Variants in LINGO2 observed in about 807,000 individuals in gnomAD.
LINGO2 encodes the protein leucine rich repeat and Ig domain containing 2.
Under a neutral mutation model 30.6 loss-of-function variants are expected in LINGO2, and 14 were observed. The ratio of observed to expected loss-of-function variants is 0.46; its 90% confidence interval spans 0.30 to 0.72. The LOEUF (loss-of-function observed/expected upper bound fraction) is 0.72, where lower values mean the gene tolerates loss of function less well. Among genes scored for constraint, LINGO2 ranks in the 30% least tolerant of loss-of-function variants. LINGO2 has a pLI of 0.07. For missense variants in LINGO2, 729 were observed against 751.7 expected (o/e 0.97, Z 0.35); for synonymous variants, 317 against 288.5 (o/e 1.10, Z -1.00).
At chr9:28,983,505 C>T in the LINGO2 span, among the ~76,000 whole-genome samples, 2 of 151,610 alleles carry the variant, frequency 1.3e-5, no homozygotes, top group Non-Finnish European at 1.5e-5. Flanking sequence ...AAATGGAAGG[C>T]TACAGGGCTA....
intron 4 of LINGO2, among the ~76,000 whole-genome samples, chr9:28,285,867 A>G (rs1429392532): frequency 6.6e-6 from 1 of 152,118 alleles, no homozygotes; most frequent in African/African-American, 2.4e-5. Flanking sequence ...AATAAATTCT[A>G]CCCAGTAGTA....
At chr9:29,102,628 G>C in the LINGO2 span, among the ~76,000 whole-genome samples, 892 of 152,202 alleles carry the variant, frequency 5.9e-3, 8 homozygotes, top group African/African-American at 0.021. Flanking sequence ...CTGAAGGAAG[G>C]CATTTTGTGC....
intron 4 of LINGO2, among the ~76,000 whole-genome samples, chr9:28,229,348 A>G (rs1587275998): frequency 1.3e-5 from 2 of 151,816 alleles, no homozygotes; most frequent in African/African-American, 4.8e-5. Context: ...TGATATAGAC[A>G]ATTAATAAAA....
At chr9:28,378,491 T>C (rs926977808) in intron 2 of LINGO2, among the ~76,000 whole-genome samples, 4 of 152,124 alleles carry the variant, frequency 2.6e-5, no homozygotes, top group South Asian at 4.1e-4. Flanking sequence ...TGGGGGACTT[T>C]CCATGAAGAG....
At chr9:28,948,517 G>A in the LINGO2 span, among the ~76,000 whole-genome samples, 16 of 151,826 alleles carry the variant, frequency 1.1e-4, no homozygotes, top group African/African-American at 9.7e-5. Flanking sequence ...TCTGACTCTC[G>A]CTCTCACACA....
chr9:28,848,395 G>GTGTATA, the LINGO2 span, among the ~76,000 whole-genome samples: 16 of 38,798 alleles, frequency 4.1e-4, no homozygotes, highest in Non-Finnish European at 1.0e-3. Flanking sequence ...GTGTGTGTGT[G>GTGTATA]TGTATATATA....
At chr9:28,797,048 T>C in the LINGO2 span, among the ~76,000 whole-genome samples, 3 of 151,360 alleles carry the variant, frequency 2.0e-5, no homozygotes, top group Non-Finnish European at 2.9e-5. Flanking sequence ...TTGCAGAAAA[T>C]AATTGAGTGG....
chr9:28,161,659 C>A (rs1564010303), intron 4 of LINGO2, among the ~76,000 whole-genome samples: 1 of 151,752 alleles, frequency 6.6e-6, no homozygotes, highest in East Asian at 1.9e-4. Context: ...TAAAGGAAAC[C>A]AGCTAGCATG....
chr9:28,522,473 T>C (rs1364468843), intron 1 of LINGO2, among the ~76,000 whole-genome samples: 1 of 152,136 alleles, frequency 6.6e-6, no homozygotes, highest in African/African-American at 2.4e-5. Context: ...GCAAATAAAG[T>C]ATGATTGTAT....
At chr9:28,803,560 T>C in the LINGO2 span, among the ~76,000 whole-genome samples, 1 of 151,910 alleles carries the variant, frequency 6.6e-6, no homozygotes, top group Non-Finnish European at 1.5e-5. Context: ...AAGCATACTA[T>C]CAACTCATAC....
intron 1 of LINGO2, among the ~76,000 whole-genome samples, chr9:28,576,186 A>G (rs1485780434): frequency 1.3e-5 from 2 of 152,250 alleles, no homozygotes; most frequent in Non-Finnish European, 2.9e-5. Context: ...ACGCTCATAG[A>G]GTCTCAATTA....
At chr9:28,253,867 C>A (rs1234851607) in intron 4 of LINGO2, among the ~76,000 whole-genome samples, 1 of 152,146 alleles carries the variant, frequency 6.6e-6, no homozygotes, top group Non-Finnish European at 1.5e-5. Flanking sequence ...GAAAAATGTG[C>A]ACGGGTGGAG....
the LINGO2 span, among the ~76,000 whole-genome samples, chr9:28,733,391 A>G: frequency 6.6e-6 from 1 of 152,156 alleles, no homozygotes; most frequent in Admixed American, 6.5e-5. Flanking sequence ...GGAAGGTTTT[A>G]TCATATACTG....
chr9:29,182,752 G>A, the LINGO2 span, among the ~76,000 whole-genome samples: 1 of 150,766 alleles, frequency 6.6e-6, no homozygotes, highest in African/African-American at 2.4e-5. Context: ...CTCGCTCATC[G>A]ATAGCTATGA....
chr9:28,995,024 C>A, the LINGO2 span, among the ~76,000 whole-genome samples: 2 of 151,800 alleles, frequency 1.3e-5, no homozygotes, highest in Admixed American at 6.6e-5. Context: ...CAAATGGGAT[C>A]TAATTAAACT....
At position 27,975,889 on chromosome 9, in the gene LINGO2, C is replaced by T. The variant is rs1250932324; in HGVS notation, c.-35-25183G>A. On this transcript the variant is annotated intron_variant, in intron 5 of 5. Transcript: ENST00000379992. Reference sequence around the variant, plus strand: ...ATTTGTCTTTTGTGTTACATTTTCACATTTGATAGTTGCATAGTAAAGAAA... The same window carrying T: ...ATTTGTCTTTTGTGTTACATTTTCATATTTGATAGTTGCATAGTAAAGAAA... Among the ~76,000 whole-genome samples the T allele has an allele frequency of 2.0e-5, 3 of 151,964 alleles. 1 individual carries two copies. The highest frequency in any genetic ancestry group is 7.3e-5 in the African/African-American group (3 of 41,378).
At chr9:28,277,652 A>G (rs1262357015) in intron 4 of LINGO2, among the ~76,000 whole-genome samples, 1 of 151,884 alleles carries the variant, frequency 6.6e-6, no homozygotes, top group Non-Finnish European at 1.5e-5. Flanking sequence ...AAAAACACAC[A>G]CAAAAAATTA....
chr9:28,146,036 TATC>T (rs1390473177), intron 4 of LINGO2, among the ~76,000 whole-genome samples: 1 of 152,236 alleles, frequency 6.6e-6, no homozygotes, highest in Non-Finnish European at 1.5e-5. Flanking sequence ...TCAAAAATGA[TATC>T]ATAAAGTTCT....
At chr9:28,566,137 G>A (rs931739868) in intron 1 of LINGO2, among the ~76,000 whole-genome samples, 23 of 152,062 alleles carry the variant, frequency 1.5e-4, no homozygotes, top group African/African-American at 5.6e-4. Context: ...TATTAACTGA[G>A]TCCTAAAGGC....
Sources: allele counts gnomAD v4.1 joint callset (sites outside exome capture counted in the v4.1 genomes callset), GRCh38; gene constraint gnomAD v4.1.1; transcripts MANE v1.5; gene names NCBI Gene and HGNC (gene_info 2026-07-23, HGNC 2026-07-21).